KCNG2: variants seen among roughly 807,000 people sequenced by gnomAD.
KCNG2 encodes the protein voltage-gated potassium channel regulatory subunit KCNG2.
KCNG2 carries 7 observed loss-of-function variants against 12.3 expected under a neutral mutation model. That is an observed-to-expected ratio of 0.57 (90% CI 0.32 to 1.07). The LOEUF (loss-of-function observed/expected upper bound fraction) is 1.07, where lower values mean the gene tolerates loss of function less well. Among genes scored for constraint, KCNG2 ranks in the 50% least tolerant of loss-of-function variants. KCNG2 has a pLI of 0.04. For missense variants in KCNG2, 703 were observed against 726.0 expected, an observed-to-expected ratio of 0.97 and a Z score of 0.36; for synonymous variants, 414 against 351.4, an observed-to-expected ratio of 1.18 and a Z score of -1.99.
intron 3 of KCNG2, among the ~76,000 whole-genome samples, chr18:79,868,932 T>C (rs1437307197): frequency 6.6e-6 from 1 of 152,188 alleles, no homozygotes; most frequent in African/African-American, 2.4e-5. Context: ...TCTTGAGAAC[T>C]AGGAGTCGGT....
intron 1 of KCNG2, among the ~76,000 whole-genome samples, chr18:79,812,430 C>G (rs1339044967): frequency 3.3e-5 from 5 of 152,088 alleles, no homozygotes; most frequent in Non-Finnish European, 5.9e-5. Flanking sequence ...AAAATTCTAC[C>G]AAATACTTAA....
intron 1 of KCNG2, among the ~76,000 whole-genome samples, chr18:79,843,122 A>G (rs965971584): frequency 3.3e-5 from 5 of 152,232 alleles, no homozygotes; most frequent in Non-Finnish European, 7.3e-5. Flanking sequence ...CATTTATCAC[A>G]TATAAGGGAA....
At chr18:79,857,686 C>T (rs1033032685) in intron 2 of KCNG2, among the ~76,000 whole-genome samples, 4 of 151,930 alleles carry the variant, frequency 2.6e-5, no homozygotes, top group African/African-American at 9.7e-5. Context: ...TGGAAGGCAG[C>T]GGCTCTCAAG....
In KCNG2 at chr18:79,884,779, G is replaced by A. The variant is rs1047864825; in HGVS notation, c.625-14261G>A. ...TGTTCCTCGGGGGGGCTCATCCTGG[G>A]GCCCAGGAACTCGGGAGCGGTTTAC... On this transcript the variant is annotated intron_variant, in intron 3 of 3. Coordinates refer to ENST00000316249, the MANE Select transcript of KCNG2 (RefSeq NM_012283.2). This position sits in a 1 kb window ranked among gnomAD's most constrained non-coding sequence, Gnocchi z 5.5. Among the ~76,000 whole-genome samples, 14 of 152,162 alleles carry A rather than the reference G, an allele frequency of 9.2e-5. No homozygotes were observed. Among genetic ancestry groups the A allele is most frequent in the African/African-American group, 3.4e-4 (14 of 41,428 alleles).
intron 1 of KCNG2, among the ~76,000 whole-genome samples, chr18:79,828,169 C>T (rs1017945979): frequency 1.1e-4 from 16 of 152,250 alleles, no homozygotes; most frequent in Non-Finnish European, 5.9e-5. Context: ...AGGTGATCCG[C>T]CCACCTCGGC....
At chr18:79,896,397 A>G (rs1208511258) in intron 3 of KCNG2, among the ~76,000 whole-genome samples, 1 of 152,136 alleles carries the variant, frequency 6.6e-6, no homozygotes, top group Non-Finnish European at 1.5e-5. Context: ...TATTATGCCT[A>G]TAGAGCTGTA....
chr18:79,895,993 TCTCA>T (rs1411051924), intron 3 of KCNG2, among the ~76,000 whole-genome samples: 1 of 152,148 alleles, frequency 6.6e-6, no homozygotes, highest in Non-Finnish European at 1.5e-5. Flanking sequence ...TGAGATGGAG[TCTCA>T]CTGTGTTGCC....
rs779856713 is a variant in KCNG2, at chr18:79,800,006, C to T, written c.-115+1992C>T. On this transcript the variant is annotated intron_variant, in intron 1 of 3. Coordinates refer to ENST00000316249, the MANE Select transcript of KCNG2 (RefSeq NM_012283.2). The surrounding 1 kb of genome is among the most constrained non-coding windows in gnomAD (Gnocchi z 4.0). ...GTTCTGAATGTCTCGGGAGGATCTG[C>T]GCAGCTTTGTTGTTCTTTTGTCTGA... is the stretch of plus-strand genomic sequence containing the variant. Among the ~76,000 whole-genome samples the T allele has an allele frequency of 1.6e-4, 25 of 152,284 alleles. No homozygotes were observed. The highest frequency in any genetic ancestry group is 1.5e-3 in the South Asian group (7 of 4,824).
chr18:79,897,894 C>G (rs1435191960), intron 3 of KCNG2, among the ~76,000 whole-genome samples: 1 of 152,002 alleles, frequency 6.6e-6, no homozygotes, highest in Non-Finnish European at 1.5e-5. Context: ...TGACCACACC[C>G]AGTAGTTAAA....
At chr18:79,815,088 G>T (rs1378786548) in intron 1 of KCNG2, among the ~76,000 whole-genome samples, 12 of 152,078 alleles carry the variant, frequency 7.9e-5, no homozygotes, top group African/African-American at 2.9e-4. Context: ...TCTGACAATA[G>T]GGAAATGTAA....
intron 1 of KCNG2, among the ~76,000 whole-genome samples, chr18:79,823,829 A>C (rs1401946059): frequency 6.6e-6 from 1 of 152,210 alleles, no homozygotes; most frequent in Non-Finnish European, 1.5e-5. Flanking sequence ...AGCTAACACC[A>C]AGAGGAAGCC....
In KCNG2 at chr18:79,882,760, G is replaced by A. The variant is rs538826219; in HGVS notation, c.625-16280G>A. Among the ~76,000 whole-genome samples, 8 of 146,688 alleles carry A rather than the reference G, an allele frequency of 5.5e-5. No individual in the cohort carries two copies. In the South Asian group the frequency reaches 1.5e-3, roughly 27 times the overall value. On this transcript the variant is annotated intron_variant, in intron 3 of 3. Transcript: ENST00000316249. ...CATGGAGTGGCGAGGCTGCCGTGGAGCGCGGAGGCCGGGTACACCTGCGCG... is the reference window on the plus strand; with the variant it reads ...CATGGAGTGGCGAGGCTGCCGTGGAACGCGGAGGCCGGGTACACCTGCGCG...
intron 3 of KCNG2, chr18:79,876,234 AG>A (rs1980065454): frequency 6.6e-6 from 1 of 152,386 alleles, no homozygotes; most frequent in Non-Finnish European, 1.5e-5. Flanking sequence ...CCTGCCGGGC[AG>A]GCGTGATCAG....
At chr18:79,873,744 C>T (rs1012362209) in intron 3 of KCNG2, among the ~76,000 whole-genome samples, 2 of 152,196 alleles carry the variant, frequency 1.3e-5, no homozygotes, top group Admixed American at 6.5e-5. Context: ...GGCCATGGAG[C>T]GGCCGCGGTT....
intron 1 of KCNG2, among the ~76,000 whole-genome samples, chr18:79,806,880 A>G (rs2087453626): frequency 6.6e-6 from 1 of 152,254 alleles, no homozygotes; most frequent in Non-Finnish European, 1.5e-5. Context: ...AAAAATCTGC[A>G]TTGACTTAAG....
intron 2 of KCNG2, among the ~76,000 whole-genome samples, chr18:79,858,735 T>G (rs1476600902): frequency 1.4e-5 from 2 of 145,740 alleles, no homozygotes; most frequent in Non-Finnish European, 3.0e-5. Flanking sequence ...ACTTGTTGGG[T>G]TTTTTTTTTC....
chr18:79,899,563 AGGT>A lies in KCNG2; in HGVS notation c.1154_1156del (p.Val385del). 6.2e-7 allele frequency: 1 copy of A among 1,600,806 alleles called. No individual in the cohort carries two copies. The highest frequency in any genetic ancestry group is 8.5e-7 in the Non-Finnish European group (1 of 1,174,102). The stretch of plus-strand genomic sequence containing the variant: ...ATGGTCCCGCGCAGCCTGCCCGGGC[AGGT>A]GGTGGCGCTCAGCAGCATCCTCAGC... On this transcript the variant is annotated inframe_deletion, in exon 4 of 4. Coordinates refer to ENST00000316249, the MANE Select transcript of KCNG2 (RefSeq NM_012283.2).
chr18:79,877,471 C>A (rs74372875), intron 3 of KCNG2, among the ~76,000 whole-genome samples: 1 of 152,148 alleles, frequency 6.6e-6, no homozygotes, highest in Non-Finnish European at 1.5e-5. Flanking sequence ...CCTCAGACCC[C>A]AACAGGAAAA....
At chr18:79,876,671 C>T (rs903042067) in intron 3 of KCNG2, among the ~76,000 whole-genome samples, 29 of 152,228 alleles carry the variant, frequency 1.9e-4, no homozygotes, top group African/African-American at 6.0e-4. Flanking sequence ...CCCCCTCTCT[C>T]GGCACAGCTG....
Sources: allele counts gnomAD v4.1 joint callset (sites outside exome capture counted in the v4.1 genomes callset), GRCh38; gene constraint gnomAD v4.1.1; non-coding constraint Gnocchi (gnomAD v3.1); transcripts MANE v1.5; gene names NCBI Gene and HGNC (gene_info 2026-07-23, HGNC 2026-07-21).